Variants in ATG10 observed in about 807,000 individuals in gnomAD.
ATG10 encodes the protein ubiquitin-like-conjugating enzyme ATG10.
In ATG10, 30 loss-of-function variants were observed where a neutral mutation model predicts 32.1. The observed-to-expected ratio is 0.94, with a 90% confidence interval of 0.70 to 1.27. ATG10 has a LOEUF of 1.27. ATG10 is among the 50% of genes most tolerant of loss of function. The probability of loss-of-function intolerance (pLI) is 0.00; values close to 1 mark genes in which losing one functional copy is unlikely to be tolerated. For synonymous variants in ATG10, 87 were observed against 91.5 expected, an observed-to-expected ratio of 0.95 and a Z score of 0.28; for missense variants, 233 against 262.3, an observed-to-expected ratio of 0.89 and a Z score of 0.77.
chr5:82,146,172 A>G (rs2149873519), intron 3 of ATG10, among the ~76,000 whole-genome samples: 1 of 152,228 alleles, frequency 6.6e-6, no homozygotes, highest in Non-Finnish European at 1.5e-5. Flanking sequence ...CTTTTGTAGA[A>G]AATTTCTTTA....
At chr5:81,988,709 C>G (rs1347463999) in intron 2 of ATG10, among the ~76,000 whole-genome samples, 1 of 152,146 alleles carries the variant, frequency 6.6e-6, no homozygotes, top group East Asian at 1.9e-4. Context: ...GCTGGGATTA[C>G]AGGCGTGAAC....
rs527417236 is a variant in ATG10 at position 82,087,361 on chromosome 5, AATT to A, written c.216+28767_216+28769del. On this transcript the variant is annotated intron_variant, in intron 3 of 7. Transcript: ENST00000282185. ...TTGAAAAGTGCTATGTAATAATGGA[AATT>A]ATTATTAATTGGGCTTAGGGGAATT... 5.3e-3 allele frequency among the ~76,000 whole-genome samples: 810 copies of A among 152,122 alleles called. 5 individuals carry two copies. Among genetic ancestry groups the A allele is most frequent in the Non-Finnish European group, 6.8e-3 (463 of 68,000 alleles).
intron 3 of ATG10, among the ~76,000 whole-genome samples, chr5:82,135,348 T>A (rs540351671): frequency 2.4e-4 from 36 of 152,360 alleles, no homozygotes; most frequent in African/African-American, 8.4e-4. Context: ...TCCTGCTTTC[T>A]TCTGTGGGCA....
intron 3 of ATG10, among the ~76,000 whole-genome samples, chr5:82,077,745 C>G (rs1764326376): frequency 2.0e-5 from 3 of 152,152 alleles, no homozygotes; most frequent in Non-Finnish European, 4.4e-5. Context: ...CTTTATAAAG[C>G]AAAATCCTGT....
chr5:82,159,921 C>A (rs77166181), intron 3 of ATG10, among the ~76,000 whole-genome samples: 3,075 of 152,182 alleles, frequency 0.02, 37 homozygotes, highest in Non-Finnish European at 0.033. Context: ...TCCCATCTAC[C>A]CTTTACCCAA....
intron 3 of ATG10, among the ~76,000 whole-genome samples, chr5:82,112,317 GT>G (rs1484771884): frequency 6.6e-6 from 1 of 151,746 alleles, no homozygotes; most frequent in Admixed American, 6.6e-5. Flanking sequence ...AAAAGATAAT[GT>G]TTGTTAACCA....
intron 3 of ATG10, among the ~76,000 whole-genome samples, chr5:82,087,689 C>T (rs942798613): frequency 4.1e-4 from 63 of 152,090 alleles, no homozygotes; most frequent in African/African-American, 1.4e-3. Context: ...TTTGATAGGA[C>T]AGTTAATCAA....
intron 5 of ATG10, among the ~76,000 whole-genome samples, chr5:82,203,002 T>C (rs1253572097): frequency 3.3e-5 from 5 of 151,928 alleles, no homozygotes; most frequent in African/African-American, 1.2e-4. Context: ...CCGAGGCAGA[T>C]GGATCACCTG....
intron 4 of ATG10, among the ~76,000 whole-genome samples, chr5:82,175,512 G>A (rs1045582660): frequency 2.0e-5 from 3 of 152,298 alleles, no homozygotes; most frequent in African/African-American, 4.8e-5. Flanking sequence ...ACAACTCTAC[G>A]AATATAACTG....
At chr5:82,038,523 T>G (rs1039329016) in intron 2 of ATG10, among the ~76,000 whole-genome samples, 1 of 152,204 alleles carries the variant, frequency 6.6e-6, no homozygotes, top group Non-Finnish European at 1.5e-5. Context: ...GTGGGAGCTG[T>G]GGCTAGAGTA....
At chr5:82,148,000 A>G (rs758855346) in intron 3 of ATG10, 1 of 152,224 alleles carries the variant, frequency 6.6e-6, no homozygotes, top group Non-Finnish European at 1.5e-5. Flanking sequence ...TGTTATTTGT[A>G]GCAGGATTGG....
At chr5:82,184,295 C>T (rs923032460) in intron 5 of ATG10, among the ~76,000 whole-genome samples, 20 of 152,060 alleles carry the variant, frequency 1.3e-4, no homozygotes, top group African/African-American at 4.8e-4. Context: ...ATGTAAAATA[C>T]GTTGTACATT....
chr5:82,141,511 A>G (rs966490782), intron 3 of ATG10, among the ~76,000 whole-genome samples: 3 of 152,196 alleles, frequency 2.0e-5, no homozygotes, highest in African/African-American at 7.2e-5. Context: ...TGGAGAGGGT[A>G]TAAAAATGAA....
chr5:82,197,952 A>G (rs1340080176), intron 5 of ATG10, among the ~76,000 whole-genome samples: 3 of 152,144 alleles, frequency 2.0e-5, no homozygotes, highest in Admixed American at 6.5e-5. Flanking sequence ...ATTCCTGGCT[A>G]ATGCCTGGTA....
chr5:82,083,856 A>C (rs1257244290), intron 3 of ATG10, among the ~76,000 whole-genome samples: 1 of 152,230 alleles, frequency 6.6e-6, no homozygotes, highest in East Asian at 1.9e-4. Flanking sequence ...AGGTAGATAA[A>C]ACCACAAAGA....
intron 3 of ATG10, among the ~76,000 whole-genome samples, chr5:82,105,166 T>C (rs768488981): frequency 1.6e-4 from 24 of 152,256 alleles, no homozygotes; most frequent in Admixed American, 4.6e-4. Flanking sequence ...AATTGATTAC[T>C]GTAAGGAATG....
At chr5:82,063,447 G>A (rs1763846605) in intron 3 of ATG10, among the ~76,000 whole-genome samples, 1 of 152,074 alleles carries the variant, frequency 6.6e-6, no homozygotes, top group Admixed American at 6.5e-5. Flanking sequence ...ATTAGATAAG[G>A]AACAGCCATC....
intron 5 of ATG10, among the ~76,000 whole-genome samples, chr5:82,250,011 GTTTCA>G (rs1399715700): frequency 6.6e-6 from 1 of 152,094 alleles, no homozygotes; most frequent in Non-Finnish European, 1.5e-5. Flanking sequence ...GTAACTGTAG[GTTTCA>G]TTTCATTAAA....
chr5:82,241,634 A>C lies in ATG10; in HGVS notation c.454-10928A>C, dbSNP rs1263151845. Among the ~76,000 whole-genome samples, 5 of 152,002 alleles carry C rather than the reference A, an allele frequency of 3.3e-5. No homozygotes were observed. In the East Asian group the frequency reaches 9.7e-4, roughly 29 times the overall value. On this transcript the variant is annotated intron_variant, in intron 5 of 7. Coordinates refer to ENST00000282185, the MANE Select transcript of ATG10 (RefSeq NM_031482.5). ...AGGATCTTTGCAGCTGGTGTTCTCA[A>C]GGTGGAAATACTCTTTTCCCAAAGA...
Sources: allele counts gnomAD v4.1 joint callset (sites outside exome capture counted in the v4.1 genomes callset), GRCh38; gene constraint gnomAD v4.1.1; transcripts MANE v1.5; gene names NCBI Gene and HGNC (gene_info 2026-07-23, HGNC 2026-07-21).